Variants in TBC1D22A observed in about 807,000 individuals in gnomAD.
TBC1D22A encodes TBC1 domain family member 22A, also known as putative GTPase activator.
Under a neutral mutation model 60.2 loss-of-function variants are expected in TBC1D22A, and 38 were observed. That is an observed-to-expected ratio of 0.63 (90% CI 0.49 to 0.83). The LOEUF (loss-of-function observed/expected upper bound fraction) is 0.83. Among genes scored for constraint, TBC1D22A ranks in the 40% least tolerant of loss-of-function variants. The pLI, the probability that TBC1D22A is intolerant of heterozygous loss-of-function variation, is 0.00. For missense variants in TBC1D22A, 628 were observed against 701.0 expected, an observed-to-expected ratio of 0.90 and a Z score of 1.18; for synonymous variants, 302 against 281.7, an observed-to-expected ratio of 1.07 and a Z score of -0.72.
chr22:47,059,652 G>A (rs1265773789), intron 11 of TBC1D22A, among the ~76,000 whole-genome samples: 1 of 152,160 alleles, frequency 6.6e-6, no homozygotes, highest in Non-Finnish European at 1.5e-5. Flanking sequence ...CCACCTCCAA[G>A]TGTGTAAGCC....
chr22:46,857,103 G>T (rs2087610026), intron 4 of TBC1D22A, among the ~76,000 whole-genome samples: 1 of 152,290 alleles, frequency 6.6e-6, no homozygotes, highest in South Asian at 2.1e-4. Context: ...TTGGGTCACA[G>T]TGTCTTCCCA....
chr22:46,917,015 C>A (rs1312797381), intron 8 of TBC1D22A, among the ~76,000 whole-genome samples: 1 of 152,192 alleles, frequency 6.6e-6, no homozygotes, highest in Non-Finnish European at 1.5e-5. Flanking sequence ...GTGCCCATTC[C>A]AGATCAGAGC....
intron 1 of TBC1D22A, among the ~76,000 whole-genome samples, chr22:46,782,121 C>A (rs2146806682): frequency 6.6e-6 from 1 of 152,346 alleles, no homozygotes; most frequent in African/African-American, 2.4e-5. Flanking sequence ...GTGGCACGAT[C>A]TCGGCTCACT....
At position 46,977,084 on chromosome 22, in the gene TBC1D22A, G is replaced by C. The variant is rs79201811; in HGVS notation, c.1125+2685G>C. 1.5e-3 allele frequency among the ~76,000 whole-genome samples: 225 copies of C among 152,342 alleles called. 4 individuals carry two copies. Among genetic ancestry groups the C allele is most frequent in the African/African-American group, 5.2e-3 (216 of 41,584 alleles). Reference sequence around the variant, plus strand: ...CCAGCACACAAGGCTGAGACTAAGAGAGATGAAGCCCATTGCCCAGGTGAC... The same window carrying C: ...CCAGCACACAAGGCTGAGACTAAGACAGATGAAGCCCATTGCCCAGGTGAC... On this transcript the variant is annotated intron_variant, in intron 9 of 12. Transcript: ENST00000337137.
intron 8 of TBC1D22A, chr22:46,915,564 G>A (rs2070303769): frequency 2.2e-6 from 1 of 456,674 alleles, no homozygotes; most frequent in Non-Finnish European, 4.4e-6. Flanking sequence ...CCTGGTTCTG[G>A]GGATGAGCTT....
At chr22:46,988,418 A>G (rs2017292602) in intron 9 of TBC1D22A, among the ~76,000 whole-genome samples, 1 of 152,216 alleles carries the variant, frequency 6.6e-6, no homozygotes, top group Non-Finnish European at 1.5e-5. Flanking sequence ...AATCACTTCT[A>G]TGGCAGCTAT....
At chr22:47,164,749 G>A (rs920900130) in intron 12 of TBC1D22A, among the ~76,000 whole-genome samples, 11 of 152,196 alleles carry the variant, frequency 7.2e-5, no homozygotes, top group African/African-American at 2.2e-4. Flanking sequence ...CGCTGGCAGC[G>A]CTGACAGCAG....
intron 8 of TBC1D22A, among the ~76,000 whole-genome samples, chr22:46,931,566 C>T (rs116924166): frequency 0.068 from 10,424 of 152,272 alleles, 500 homozygotes; most frequent in Non-Finnish European, 0.11. Context: ...ACTAAACTCA[C>T]CCAAGTCGGC....
chr22:47,141,857 A>G (rs546220609), intron 12 of TBC1D22A, among the ~76,000 whole-genome samples: 1 of 152,274 alleles, frequency 6.6e-6, no homozygotes. Context: ...CACTAGTTCC[A>G]AAATAGAACT....
intron 11 of TBC1D22A, among the ~76,000 whole-genome samples, chr22:47,055,045 C>T (rs936982414): frequency 6.6e-6 from 1 of 152,204 alleles, no homozygotes; most frequent in Non-Finnish European, 1.5e-5. Context: ...TTCTTTCTTG[C>T]CTCCGAGGTG....
At chr22:46,876,625 A>G (rs2067580075) in intron 4 of TBC1D22A, among the ~76,000 whole-genome samples, 1 of 152,208 alleles carries the variant, frequency 6.6e-6, no homozygotes, top group Non-Finnish European at 1.5e-5. Flanking sequence ...GGTTGCCTCC[A>G]GGAACTTCCC....
chr22:46,784,791 G>A lies in TBC1D22A; in HGVS notation c.63-7729G>A, dbSNP rs188853335. On this transcript the variant is annotated intron_variant, in intron 1 of 12. Coordinates refer to ENST00000337137, the MANE Select transcript of TBC1D22A (RefSeq NM_014346.5). The stretch of plus-strand genomic sequence containing the variant: ...AGAGAGATTGATAATATTGATAAAC[G>A]CTATTTGTAGGTCATGTCCCAGTAT... Among the ~76,000 whole-genome samples, 22 of 152,322 alleles carry A rather than the reference G, an allele frequency of 1.4e-4. 2 individuals are homozygous for A. The highest frequency in any genetic ancestry group is 8.5e-4 in the Admixed American group (13 of 15,302).
intron 4 of TBC1D22A, among the ~76,000 whole-genome samples, chr22:46,874,433 C>G (rs1316946007): frequency 3.3e-5 from 5 of 151,956 alleles, no homozygotes; most frequent in Non-Finnish European, 4.4e-5. Flanking sequence ...TCTCCATAAC[C>G]TCACCACCAT....
At chr22:47,124,110 G>A (rs536180251) in intron 12 of TBC1D22A, among the ~76,000 whole-genome samples, 115 of 152,276 alleles carry the variant, frequency 7.6e-4, no homozygotes, top group Non-Finnish European at 1.4e-3. Flanking sequence ...GTGTGGGAGC[G>A]GCAGAGAGAG....
rs571500843 is a variant in TBC1D22A, at chr22:46,850,770, T to C, written c.638-27883T>C. On this transcript the variant is annotated intron_variant, in intron 4 of 12. Transcript: ENST00000337137. ...TGAATGTTTATAGCAGCATTTTCCA[T>C]AATAGCCAAAAAAGGGGAAACAATT... Among the ~76,000 whole-genome samples the C allele has an allele frequency of 1.5e-4, 23 of 152,106 alleles. No individual in the cohort carries two copies. In the South Asian group the frequency reaches 2.5e-3, roughly 16 times the overall value.
At chr22:46,792,721 C>T (rs999261573) in intron 2 of TBC1D22A, 145 bp downstream of exon 2, 18 of 1,559,000 alleles carry the variant, frequency 1.2e-5, no homozygotes, top group Non-Finnish European at 1.6e-5. Context: ...ATCAAGCAGT[C>T]GCTTTGTGTG....
chr22:46,804,086 G>T (rs563451751), intron 4 of TBC1D22A, among the ~76,000 whole-genome samples: 24 of 152,322 alleles, frequency 1.6e-4, no homozygotes. Context: ...GCAGCAATGC[G>T]ATGGCACCTC....
chr22:46,779,759 A>G (rs1037634785), intron 1 of TBC1D22A, among the ~76,000 whole-genome samples: 1 of 152,354 alleles, frequency 6.6e-6, no homozygotes, highest in African/African-American at 2.4e-5. Flanking sequence ...GGAGTGTGAC[A>G]TGAGACAAAA....
intron 8 of TBC1D22A, among the ~76,000 whole-genome samples, chr22:46,969,534 G>A (rs2073964305): frequency 6.6e-6 from 1 of 152,250 alleles, no homozygotes; most frequent in Admixed American, 6.5e-5. Flanking sequence ...CCTTTCTGTG[G>A]TCTAAGAAGG....
Sources: allele counts gnomAD v4.1 joint callset (sites outside exome capture counted in the v4.1 genomes callset), GRCh38; gene constraint gnomAD v4.1.1; transcripts MANE v1.5; gene names NCBI Gene and HGNC (gene_info 2026-07-23, HGNC 2026-07-21).